The following HOMER2 variants were observed in gnomAD, a reference collection of about 807,000 sequenced individuals.
The protein encoded by HOMER2 is homer protein homolog 2.
Under a neutral mutation model 47.0 loss-of-function variants are expected in HOMER2, and 27 were observed. The ratio of observed to expected loss-of-function variants is 0.57; its 90% CI spans 0.42 to 0.79. HOMER2 has a LOEUF of 0.79. HOMER2 is among the 30% of genes least tolerant of loss of function. The probability of loss-of-function intolerance (pLI) is 0.00; values close to 1 mark genes in which losing one functional copy is unlikely to be tolerated. For missense variants in HOMER2, 443 were observed against 435.0 expected, an observed-to-expected ratio of 1.02 and a Z score of -0.16; for synonymous variants, 161 against 163.8, an observed-to-expected ratio of 0.98 and a Z score of 0.13.
chr15:82,859,783 T>C (rs866213786), intron 4 of HOMER2, among the ~76,000 whole-genome samples: 4 of 152,236 alleles, frequency 2.6e-5, no homozygotes, highest in Middle Eastern at 3.4e-3. Flanking sequence ...AGAAAGATCT[T>C]ATTTAGCCTC....
At chr15:82,897,638 T>C (rs959882911) in intron 1 of HOMER2, among the ~76,000 whole-genome samples, 4 of 152,198 alleles carry the variant, frequency 2.6e-5, no homozygotes, top group Admixed American at 2.6e-4. Flanking sequence ...CCTATCAGAC[T>C]CTCTCAATAA....
intron 2 of HOMER2, among the ~76,000 whole-genome samples, chr15:82,890,649 A>C (rs1333467885): frequency 3.3e-5 from 5 of 152,226 alleles, no homozygotes; most frequent in Non-Finnish European, 5.9e-5. Context: ...AGTGGCTGAC[A>C]CTTTGACGAA....
intron 5 of HOMER2, 53 bp downstream of exon 5, chr15:82,858,961 GCAAGAAAGGCTTCTA>G: frequency 3.9e-6 from 6 of 1,532,572 alleles, no homozygotes; most frequent in Non-Finnish European, 5.3e-6. Context: ...ACCCTGTCCA[GCAAGAAAGGCTTCTA>G]GGGAAGTGCT....
At chr15:82,856,431 C>T (rs778535094) in intron 5 of HOMER2, among the ~76,000 whole-genome samples, 5 of 151,958 alleles carry the variant, frequency 3.3e-5, no homozygotes, top group Non-Finnish European at 5.9e-5. Context: ...GCCTGGGCAA[C>T]ATAGCAAGAC....
At chr15:82,912,567 T>G (rs1596347695) in intron 1 of HOMER2, among the ~76,000 whole-genome samples, 1 of 152,356 alleles carries the variant, frequency 6.6e-6, no homozygotes, top group South Asian at 2.1e-4. Flanking sequence ...ACTATAATTA[T>G]GTGGACATAT....
downstream of HOMER2, among the ~76,000 whole-genome samples, chr15:82,848,590 C>T (rs930680822): frequency 7.2e-5 from 11 of 152,182 alleles, no homozygotes; most frequent in African/African-American, 2.7e-4. Context: ...AGGGCCAAGG[C>T]TTGTCAGCTG....
intron 3 of HOMER2, among the ~76,000 whole-genome samples, chr15:82,872,031 C>T (rs1235591801): frequency 6.6e-6 from 1 of 152,142 alleles, no homozygotes; most frequent in East Asian, 1.9e-4. Flanking sequence ...CCAGGACGGG[C>T]CTGCCAGGGA....
intron 1 of HOMER2, among the ~76,000 whole-genome samples, chr15:82,960,943 C>T (rs891477324): frequency 6.6e-5 from 10 of 152,238 alleles, no homozygotes; most frequent in African/African-American, 2.4e-4. Flanking sequence ...GTCTGTTCCA[C>T]AAAGCCCTGG....
chr15:82,871,488 T>C (rs1305755305), intron 3 of HOMER2, among the ~76,000 whole-genome samples: 1 of 152,204 alleles, frequency 6.6e-6, no homozygotes, highest in Non-Finnish European at 1.5e-5. Context: ...TAGCTAACTG[T>C]CACTTGTTGA....
intron 1 of HOMER2, among the ~76,000 whole-genome samples, chr15:82,970,922 T>C (rs2029962906): frequency 6.6e-6 from 1 of 152,214 alleles, no homozygotes; most frequent in Admixed American, 6.5e-5. Flanking sequence ...CTTTGGCAGA[T>C]ATTTGTTAAT....
intron 1 of HOMER2, among the ~76,000 whole-genome samples, chr15:82,901,635 C>T (rs1343372997): frequency 2.6e-5 from 4 of 152,258 alleles, no homozygotes; most frequent in African/African-American, 2.4e-5. Flanking sequence ...GCACAGGAAG[C>T]GGGTGGCAGG....
intron 1 of HOMER2, among the ~76,000 whole-genome samples, chr15:82,896,863 A>T (rs1053049479): frequency 6.6e-6 from 1 of 152,126 alleles, no homozygotes; most frequent in African/African-American, 2.4e-5. Flanking sequence ...AAAAAAGGCA[A>T]AAAAGAAAGG....
At position 82,918,758 on chromosome 15, in the gene HOMER2, G is replaced by C. The variant is rs564364354; in HGVS notation, c.6-25917C>G. On this transcript the variant is annotated intron_variant, in intron 1 of 8. Transcript: ENST00000450735. ...GGAATCTCACACCCAGCACACAGCA[G>C]GAACATCTCCCTCGCTGTCCTCTCC... 2.5e-4 allele frequency among the ~76,000 whole-genome samples: 38 copies of C among 152,288 alleles called. 2 individuals carry two copies. The South Asian group carries it at 7.3e-3, about 29-fold the overall frequency.
At chr15:82,888,952 C>T (rs1389658677) in intron 2 of HOMER2, among the ~76,000 whole-genome samples, 1 of 152,212 alleles carries the variant, frequency 6.6e-6, no homozygotes, top group African/African-American at 2.4e-5. Flanking sequence ...ACATCCACTC[C>T]TTCCCTGGGG....
intron 1 of HOMER2, among the ~76,000 whole-genome samples, chr15:82,967,885 A>C (rs1445163568): frequency 6.6e-6 from 1 of 152,064 alleles, no homozygotes; most frequent in African/African-American, 2.4e-5. Flanking sequence ...TCAGGAAAAA[A>C]AAAACCAAAC....
upstream of HOMER2, among the ~76,000 whole-genome samples, chr15:82,957,371 T>A (rs2034141483): frequency 2.0e-5 from 3 of 151,910 alleles, no homozygotes; most frequent in Admixed American, 6.6e-5. Context: ...ATTACAGGTA[T>A]TATTATTATT....
At chr15:82,904,493 A>G (rs936109544) in intron 1 of HOMER2, among the ~76,000 whole-genome samples, 1 of 152,148 alleles carries the variant, frequency 6.6e-6, no homozygotes, top group African/African-American at 2.4e-5. Context: ...CTCGTGCTTG[A>G]GGCAGGGGGA....
chr15:82,962,103 A>G (rs116062324), intron 1 of HOMER2, among the ~76,000 whole-genome samples: 8,636 of 150,958 alleles, frequency 0.057, 530 homozygotes, highest in African/African-American at 0.16. Context: ...GGGTGCGGTG[A>G]CTCACACCCG....
At chr15:82,978,858 C>T (rs1474725159) in intron 1 of HOMER2, among the ~76,000 whole-genome samples, 2 of 152,130 alleles carry the variant, frequency 1.3e-5, no homozygotes, top group African/African-American at 4.8e-5. Flanking sequence ...GTAGCTGGGA[C>T]TACAGGTGTG....
Sources: gnomAD v4.1 joint callset for allele counts (sites outside exome capture counted in the v4.1 genomes callset) on GRCh38, gnomAD v4.1.1 for gene constraint, MANE v1.5 for transcripts, NCBI Gene and HGNC (gene_info 2026-07-23, HGNC 2026-07-21) for gene names.